Variants in C8orf34 observed in about 807,000 individuals in gnomAD.
C8orf34 encodes chromosome 8 open reading frame 34.
A neutral mutation model predicts 68.3 loss-of-function variants in C8orf34; 65 were observed. That is an observed-to-expected ratio of 0.95 (90% CI 0.78 to 1.17). The LOEUF (loss-of-function observed/expected upper bound fraction) is 1.17. Ranked by LOEUF, C8orf34 falls within the 50% of genes most tolerant of loss-of-function variation. C8orf34 has a pLI of 0.00. For synonymous variants in C8orf34, 244 were observed against 241.2 expected (o/e 1.01, Z -0.11); for missense variants, 664 against 655.4 (o/e 1.01, Z -0.14).
chr8:68,809,024 G>C (rs1313141469), intron 12 of C8orf34, among the ~76,000 whole-genome samples: 1 of 151,688 alleles, frequency 6.6e-6, no homozygotes, highest in Non-Finnish European at 1.5e-5. Context: ...TTTTTCTGGA[G>C]GCTATCATGA....
chr8:68,584,638 G>A (rs953692549), intron 7 of C8orf34, among the ~76,000 whole-genome samples: 7 of 152,138 alleles, frequency 4.6e-5, no homozygotes, highest in Non-Finnish European at 1.0e-4. Flanking sequence ...AACCCGGCAG[G>A]TGGAGTGTTC....
intron 1 of C8orf34, among the ~76,000 whole-genome samples, chr8:68,354,947 C>T (rs959232059): frequency 5.9e-5 from 9 of 151,676 alleles, no homozygotes; most frequent in African/African-American, 2.2e-4. Flanking sequence ...TTGAAGTAAA[C>T]CAAGCATTGA....
At chr8:68,719,877 C>T (rs1240549491) in intron 9 of C8orf34, among the ~76,000 whole-genome samples, 1 of 151,842 alleles carries the variant, frequency 6.6e-6, no homozygotes, top group Non-Finnish European at 1.5e-5. Flanking sequence ...AAACAAGAAA[C>T]ATACTGAGTG....
intron 7 of C8orf34, among the ~76,000 whole-genome samples, chr8:68,586,933 T>C (rs1817226664): frequency 6.6e-6 from 1 of 152,152 alleles, no homozygotes; most frequent in African/African-American, 2.4e-5. Flanking sequence ...AAATTTTCTA[T>C]GGCTACTTCC....
At chr8:68,616,885 G>A (rs1310323537) in intron 7 of C8orf34, among the ~76,000 whole-genome samples, 3 of 152,126 alleles carry the variant, frequency 2.0e-5, no homozygotes, top group South Asian at 2.1e-4. Context: ...GTTGACAGTG[G>A]GGTGTTAAAG....
In C8orf34 at chr8:68,401,771, T is replaced by C. The variant is rs1032343807; in HGVS notation, c.328-37728T>C. On this transcript the variant is annotated intron_variant, in intron 1 of 13. Coordinates refer to ENST00000518698, the MANE Select transcript of C8orf34 (RefSeq NM_052958.4). Reference sequence around the variant, plus strand: ...CACTTGATCATGGTGTGTTATCTTTTTAACATTCTGTTGTGATTCAGTTTG... The same window carrying C: ...CACTTGATCATGGTGTGTTATCTTTCTAACATTCTGTTGTGATTCAGTTTG... Among the ~76,000 whole-genome samples the C allele has an allele frequency of 2.6e-5, 4 of 152,266 alleles. No homozygotes were observed. In the South Asian group the frequency reaches 8.3e-4, roughly 32 times the overall value.
chr8:68,814,988 T>C (rs922004061), intron 12 of C8orf34, among the ~76,000 whole-genome samples: 8 of 152,236 alleles, frequency 5.3e-5, no homozygotes, highest in African/African-American at 1.9e-4. Context: ...AGATATAGTA[T>C]GATGTTGTCC....
intron 4 of C8orf34, among the ~76,000 whole-genome samples, chr8:68,472,545 A>G (rs1334516039): frequency 1.3e-5 from 2 of 152,192 alleles, no homozygotes; most frequent in Non-Finnish European, 2.9e-5. Context: ...AAGATGCAAC[A>G]AAAGTGAATC....
intron 8 of C8orf34, among the ~76,000 whole-genome samples, chr8:68,684,737 A>G (rs1192819318): frequency 6.6e-6 from 1 of 152,098 alleles, no homozygotes; most frequent in Non-Finnish European, 1.5e-5. Flanking sequence ...ATCTAATTTC[A>G]CATAGCTTTC....
chr8:68,557,525 A>C lies in C8orf34; in HGVS notation c.1105+24376A>C, dbSNP rs891682794. 5.3e-5 allele frequency among the ~76,000 whole-genome samples: 8 copies of C among 152,290 alleles called. No homozygotes were observed. In the East Asian group the frequency reaches 1.5e-3, roughly 29 times the overall value. The stretch of plus-strand genomic sequence containing the variant: ...TCAAACAAAACCATTATTATATTTC[A>C]TTGCTATTTCTTTGCTGTCTGCCCA... On this transcript the variant is annotated intron_variant, in intron 7 of 13. Coordinates refer to ENST00000518698, the MANE Select transcript of C8orf34 (RefSeq NM_052958.4).
chr8:68,760,749 G>T (rs951104018), intron 10 of C8orf34, among the ~76,000 whole-genome samples: 3 of 152,066 alleles, frequency 2.0e-5, no homozygotes, highest in African/African-American at 7.2e-5. Flanking sequence ...TAAATAATTT[G>T]TTGGGTTGAC....
rs558105494 is a variant in C8orf34 at position 68,533,703 on chromosome 8, TGTAGGATATC to T, written c.1105+555_1105+564del. ...CATGAAACCTTATTAATCTTGTATA[TGTAGGATATC>T]TTTTTATATTTTTTAATGTAGTATA... On this transcript the variant is annotated intron_variant, in intron 7 of 13. Coordinates refer to ENST00000518698, the MANE Select transcript of C8orf34 (RefSeq NM_052958.4). 2.8e-4 allele frequency: 271 copies of T among 951,674 alleles called. 2 individuals carry two copies. The African/African-American group carries it at 4.6e-3, about 16-fold the overall frequency. The allele number at this position is 951,674 out of a possible 1,614,324, so 59.0% of individuals were successfully genotyped here. A position where few individuals can be genotyped will look rare whatever the true frequency, so the allele number is the denominator to read the frequency against.
chr8:68,450,733 G>A (rs190553218), intron 3 of C8orf34, among the ~76,000 whole-genome samples: 18 of 152,238 alleles, frequency 1.2e-4, no homozygotes, highest in African/African-American at 1.2e-4. Flanking sequence ...GGAAACGGAT[G>A]TGCTGTCATC....
chr8:68,785,046 G>C (rs1474175249), intron 11 of C8orf34, among the ~76,000 whole-genome samples: 2 of 151,776 alleles, frequency 1.3e-5, no homozygotes, highest in Non-Finnish European at 1.5e-5. Flanking sequence ...AGAAACATAT[G>C]TGTATATATG....
At chr8:68,590,877 A>G (rs1002080644) in intron 7 of C8orf34, among the ~76,000 whole-genome samples, 3 of 152,148 alleles carry the variant, frequency 2.0e-5, no homozygotes, top group Non-Finnish European at 4.4e-5. Context: ...GAGACCACAC[A>G]TGGACTAGCA....
intron 1 of C8orf34, among the ~76,000 whole-genome samples, chr8:68,420,482 C>G (rs1013290673): frequency 6.6e-6 from 1 of 152,040 alleles, no homozygotes; most frequent in Non-Finnish European, 1.5e-5. Flanking sequence ...GTAGCATCCT[C>G]CTAGGCCACA....
At chr8:68,416,633 G>C (rs2129622867) in intron 1 of C8orf34, among the ~76,000 whole-genome samples, 1 of 152,062 alleles carries the variant, frequency 6.6e-6, no homozygotes, top group Admixed American at 6.6e-5. Flanking sequence ...CCAGGTTTGA[G>C]TGATTCTTCT....
chr8:68,666,333 A>G (rs920188456), intron 8 of C8orf34, among the ~76,000 whole-genome samples: 19 of 152,166 alleles, frequency 1.2e-4, no homozygotes, highest in Non-Finnish European at 1.8e-4. Context: ...AAAGTACCCC[A>G]TGTCTTTGTT....
intron 8 of C8orf34, among the ~76,000 whole-genome samples, chr8:68,688,605 C>A (rs1283168007): frequency 6.6e-6 from 1 of 152,148 alleles, no homozygotes; most frequent in East Asian, 1.9e-4. Flanking sequence ...TAATGATAGC[C>A]TGGATTAAGA....
Sources: gnomAD v4.1 joint callset for allele counts (sites outside exome capture counted in the v4.1 genomes callset) on GRCh38, gnomAD v4.1.1 for gene constraint, MANE v1.5 for transcripts, NCBI Gene and HGNC (gene_info 2026-07-23, HGNC 2026-07-21) for gene names.